The following NR5A2 variants were observed in gnomAD, a reference collection of about 807,000 sequenced individuals.
NR5A2 encodes nuclear receptor subfamily 5 group A member 2.
In NR5A2, 26 loss-of-function variants were observed where a neutral mutation model predicts 62.7. The ratio of observed to expected loss-of-function variants is 0.41; its 90% confidence interval spans 0.30 to 0.58. The LOEUF (loss-of-function observed/expected upper bound fraction) is 0.58. Ranked by LOEUF, NR5A2 falls within the 20% of genes least tolerant of loss-of-function variation. The probability of loss-of-function intolerance (pLI) is 0.22; values close to 1 mark genes in which losing one functional copy is unlikely to be tolerated. For synonymous variants in NR5A2, 246 were observed against 241.7 expected, an observed-to-expected ratio of 1.02 and a Z score of -0.16; for missense variants, 541 against 669.1, an observed-to-expected ratio of 0.81 and a Z score of 2.11.
intron 1 of NR5A2, among the ~76,000 whole-genome samples, chr1:200,034,524 C>T (rs1661676393): frequency 7.0e-6 from 1 of 143,152 alleles, no homozygotes; most frequent in Admixed American, 7.8e-5. Flanking sequence ...TACAAAGAGC[C>T]GTAGATTCCG....
At chr1:200,142,651 C>A (rs1319495507) in intron 7 of NR5A2, among the ~76,000 whole-genome samples, 1 of 152,196 alleles carries the variant, frequency 6.6e-6, no homozygotes, top group Non-Finnish European at 1.5e-5. Flanking sequence ...ACTTCTGCCT[C>A]CCACATAGCT....
intron 5 of NR5A2, among the ~76,000 whole-genome samples, chr1:200,049,879 T>C (rs1291507028): frequency 6.6e-6 from 1 of 152,208 alleles, no homozygotes; most frequent in Non-Finnish European, 1.5e-5. Context: ...CTGGGGAATG[T>C]GGAAGCCACA....
chr1:200,167,396 C>A (rs1434261504), intron 7 of NR5A2, among the ~76,000 whole-genome samples: 1 of 152,088 alleles, frequency 6.6e-6, no homozygotes, highest in African/African-American at 2.4e-5. Flanking sequence ...GGCCAGCAAA[C>A]CCTGTTGCAT....
rs1471099042 is a variant in NR5A2 at position 200,063,385 on chromosome 1, C to T, written c.1110+14567C>T. Among the ~76,000 whole-genome samples, 5 of 152,084 alleles carry T rather than the reference C, an allele frequency of 3.3e-5. No individual in the cohort carries two copies. In the East Asian group the frequency reaches 9.6e-4, roughly 29 times the overall value. ...ATGTTGGTCAGGCTGGTCTCGAACT[C>T]CTGACCTCGTGATCCACCCACCTTG... On this transcript the variant is annotated intron_variant, in intron 5 of 7. Coordinates refer to ENST00000367362, the MANE Select transcript of NR5A2 (RefSeq NM_205860.3).
At position 200,102,229 on chromosome 1, in the gene NR5A2, G is replaced by C. The variant is rs182050035; in HGVS notation, c.1111-8973G>C. On this transcript the variant is annotated intron_variant, in intron 5 of 7. Transcript: ENST00000367362. ...CTTTGAAAGAATTTTTAAAATTTTT[G>C]ATAAAGACTCTCTAATACAAATCGC... 4.2e-3 allele frequency among the ~76,000 whole-genome samples: 636 copies of C among 152,268 alleles called. 2 individuals are homozygous for C. Among genetic ancestry groups the C allele is most frequent in the African/African-American group, 0.015 (611 of 41,554 alleles).
At chr1:200,109,306 T>C (rs982272877) in intron 5 of NR5A2, among the ~76,000 whole-genome samples, 3 of 152,218 alleles carry the variant, frequency 2.0e-5, no homozygotes, top group African/African-American at 7.2e-5. Flanking sequence ...TCTTTTTCTC[T>C]TCTAAACAGC....
At chr1:200,051,408 T>C (rs1482222837) in intron 5 of NR5A2, among the ~76,000 whole-genome samples, 1 of 152,240 alleles carries the variant, frequency 6.6e-6, no homozygotes, top group African/African-American at 2.4e-5. Flanking sequence ...CTTCTTTATA[T>C]AGCATGAGGT....
At chr1:200,129,239 T>C (rs893751816) in intron 7 of NR5A2, among the ~76,000 whole-genome samples, 1 of 142,724 alleles carries the variant, frequency 7.0e-6, no homozygotes. Context: ...TCTCTCTCTC[T>C]CTGAATATAT....
chr1:200,091,815 A>C (rs1241133061), intron 5 of NR5A2, among the ~76,000 whole-genome samples: 1 of 151,898 alleles, frequency 6.6e-6, no homozygotes, highest in East Asian at 1.9e-4. Flanking sequence ...TTCTCATCCC[A>C]TATTCCTGTG....
At chr1:200,096,959 T>C (rs1395319149) in intron 5 of NR5A2, among the ~76,000 whole-genome samples, 4 of 152,188 alleles carry the variant, frequency 2.6e-5, no homozygotes, top group Non-Finnish European at 5.9e-5. Flanking sequence ...AATCACCTAA[T>C]GATGCATTTC....
chr1:200,173,824 T>TAG, intron 7 of NR5A2, 139 bp from the exon 8 acceptor site: 1 of 865,738 alleles, frequency 1.2e-6, no homozygotes, highest in Non-Finnish European at 1.6e-6. Flanking sequence ...GTGAGTGGGG[T>TAG]TTACTGAATA....
intron 7 of NR5A2, among the ~76,000 whole-genome samples, chr1:200,157,921 A>G (rs952961638): frequency 6.6e-6 from 1 of 152,244 alleles, no homozygotes; most frequent in African/African-American, 2.4e-5. Flanking sequence ...AAGTATATCT[A>G]GCTCTTAAAG....
At chr1:200,072,013 G>A (rs988946572) in intron 5 of NR5A2, among the ~76,000 whole-genome samples, 4 of 152,128 alleles carry the variant, frequency 2.6e-5, no homozygotes, top group African/African-American at 9.7e-5. Flanking sequence ...CACTTTTGTT[G>A]TCTTAGATCT....
chr1:200,113,802 G>A (rs1045024080), intron 6 of NR5A2, among the ~76,000 whole-genome samples: 2 of 152,102 alleles, frequency 1.3e-5, no homozygotes, highest in African/African-American at 2.4e-5. Flanking sequence ...TTTTAAGAAG[G>A]TAGTTAAAAC....
intron 5 of NR5A2, among the ~76,000 whole-genome samples, chr1:200,058,799 G>GTT (rs1348940621): frequency 1.2e-4 from 16 of 138,520 alleles, no homozygotes; most frequent in African/African-American, 4.0e-4. Flanking sequence ...TTTTGTTTTT[G>GTT]TTTTTTTTTT....
rs3034024 is a variant in NR5A2 at position 200,173,936 on chromosome 1, C to CTTTTTTTTTTTTT, written c.1379-20_1379-8dup. The CTTTTTTTTTTTTT allele has an allele frequency of 4.0e-6, 4 of 1,006,500 alleles. No individual in the cohort carries two copies. In the African/African-American group the frequency reaches 7.4e-5, roughly 19 times the overall value. The allele number at this position is 1,006,500 out of a possible 1,614,324, so 62.3% of individuals were successfully genotyped here. ...GAATTGAAATGCTATTGAAATGTTG[C>CTTTTTTTTTTTTT]TTTTTTTTTTTTTTTTTTTAATGCA... is the stretch of plus-strand genomic sequence containing the variant. On this transcript the variant is annotated intron_variant, in intron 7 of 7. Transcript: ENST00000367362.
At chr1:200,062,413 AT>A (rs1663272400) in intron 5 of NR5A2, among the ~76,000 whole-genome samples, 1 of 152,218 alleles carries the variant, frequency 6.6e-6, no homozygotes, top group Non-Finnish European at 1.5e-5. Flanking sequence ...TTCACCACAC[AT>A]CTTATCAGCA....
chr1:200,101,430 T>A (rs1665363166), intron 5 of NR5A2, among the ~76,000 whole-genome samples: 1 of 152,154 alleles, frequency 6.6e-6, no homozygotes, highest in Admixed American at 6.5e-5. Context: ...GGCTATGAAG[T>A]TTGTCAATAC....
At chr1:200,171,130 C>A (rs1654156822) in intron 7 of NR5A2, among the ~76,000 whole-genome samples, 1 of 152,068 alleles carries the variant, frequency 6.6e-6, no homozygotes, top group South Asian at 2.1e-4. Flanking sequence ...ATGGCATGGT[C>A]AGTAAATGAG....
Sources: allele counts gnomAD v4.1 joint callset (sites outside exome capture counted in the v4.1 genomes callset), GRCh38; gene constraint gnomAD v4.1.1; transcripts MANE v1.5; gene names NCBI Gene and HGNC (gene_info 2026-07-23, HGNC 2026-07-21).